TTC7B: variants seen among roughly 807,000 people sequenced by gnomAD.
The protein encoded by TTC7B is tetratricopeptide repeat protein 7B.
A neutral mutation model predicts 106.8 loss-of-function variants in TTC7B; 28 were observed. The ratio of observed to expected loss-of-function variants is 0.26; its 90% CI spans 0.19 to 0.36. The LOEUF is 0.36. Among genes scored for constraint, TTC7B ranks in the 10% least tolerant of loss-of-function variants. The probability of loss-of-function intolerance (pLI) is 1.00; values close to 1 mark genes in which losing one functional copy is unlikely to be tolerated. For synonymous variants in TTC7B, 405 were observed against 430.6 expected (o/e 0.94, Z 0.74); for missense variants, 862 against 1,076.4 (o/e 0.80, Z 2.79).
chr14:90,812,507 G>T (rs867514848), intron 1 of TTC7B, among the ~76,000 whole-genome samples: 17 of 152,006 alleles, frequency 1.1e-4, no homozygotes, highest in South Asian at 6.2e-4. Context: ...TTCTAACCCT[G>T]CACGTCTGAA....
chr14:90,690,581 C>A (rs1402130317), intron 6 of TTC7B, among the ~76,000 whole-genome samples: 1 of 152,020 alleles, frequency 6.6e-6, no homozygotes, highest in East Asian at 1.9e-4. Context: ...CTTCCAGTAA[C>A]AAAGAAGAGG....
At chr14:90,730,327 G>A in intron 4 of TTC7B, 131 bp from the exon 5 acceptor site, 2 of 1,051,504 alleles carry the variant, frequency 1.9e-6, no homozygotes, top group Non-Finnish European at 1.3e-6. Context: ...CAGAGGCACA[G>A]GTGTAGAAGT....
Position 90,604,251 on chromosome 14 carries a change from A to G in TTC7B, c.1966+6491T>C, listed in dbSNP as rs1892547758. 3.9e-5 allele frequency among the ~76,000 whole-genome samples: 6 copies of G among 152,254 alleles called. 1 individual carries two copies. The highest frequency in any genetic ancestry group is 3.9e-4 in the Admixed American group (6 of 15,288). On this transcript the variant is annotated intron_variant, in intron 17 of 19. Transcript: ENST00000328459. ...ATAAACTCATCAAAAGTCAATGTAA[A>G]GAATTTTTCTAGAAAAATCGAAGTT... is the stretch of plus-strand genomic sequence containing the variant.
At chr14:90,552,581 T>G (rs1890133119) in intron 19 of TTC7B, among the ~76,000 whole-genome samples, 1 of 151,922 alleles carries the variant, frequency 6.6e-6, no homozygotes, top group African/African-American at 2.4e-5. Context: ...CCACTTCACC[T>G]CCAGATCCAC....
At chr14:90,800,716 C>G (rs2030207313) in intron 1 of TTC7B, among the ~76,000 whole-genome samples, 1 of 152,094 alleles carries the variant, frequency 6.6e-6, no homozygotes, top group African/African-American at 2.4e-5. Context: ...GAGGCTGAGG[C>G]AGGAGAATGG....
intron 15 of TTC7B, among the ~76,000 whole-genome samples, chr14:90,626,772 A>T (rs2139859711): frequency 6.6e-6 from 1 of 152,270 alleles, no homozygotes; most frequent in African/African-American, 2.4e-5. Flanking sequence ...TTTCTGTTAC[A>T]AAACCCCAAC....
chr14:90,584,489 G>A (rs1487091273), intron 18 of TTC7B, among the ~76,000 whole-genome samples: 1 of 152,220 alleles, frequency 6.6e-6, no homozygotes, highest in African/African-American at 2.4e-5. Flanking sequence ...GCACCAGCCT[G>A]GAGGAATGCA....
chr14:90,633,340 A>G (rs939764192), intron 15 of TTC7B, among the ~76,000 whole-genome samples: 1 of 152,252 alleles, frequency 6.6e-6, no homozygotes, highest in Non-Finnish European at 1.5e-5. Context: ...ATTCAAATCA[A>G]TTAAAAATCT....
chr14:90,804,682 T>G (rs1183088388), intron 1 of TTC7B, among the ~76,000 whole-genome samples: 1 of 152,212 alleles, frequency 6.6e-6, no homozygotes, highest in Non-Finnish European at 1.5e-5. Flanking sequence ...GTCACCTCCC[T>G]TGGCCTGGTA....
At chr14:90,689,754 T>G (rs1310224948) in intron 6 of TTC7B, 42 bp from the exon 7 acceptor site, 1 of 1,597,368 alleles carries the variant, frequency 6.3e-7, no homozygotes. Context: ...TGAATCTATC[T>G]TGTATTAGTC....
At chr14:90,740,358 C>T (rs79915628) in intron 4 of TTC7B, among the ~76,000 whole-genome samples, 3,294 of 152,172 alleles carry the variant, frequency 0.022, 65 homozygotes, top group Non-Finnish European at 0.027. Flanking sequence ...CAAGGTCAAA[C>T]GACCAGGAGT....
intron 3 of TTC7B, among the ~76,000 whole-genome samples, chr14:90,756,070 C>T (rs149015297): frequency 6.6e-6 from 1 of 152,354 alleles, no homozygotes; most frequent in African/African-American, 2.4e-5. Flanking sequence ...CTTACTAACA[C>T]ATGATGCCTT....
Position 90,614,170 on chromosome 14 carries a change from G to T in TTC7B, c.1869-3331C>A, listed in dbSNP as rs184439620. On this transcript the variant is annotated intron_variant, in intron 16 of 19. Coordinates refer to ENST00000328459, the MANE Select transcript of TTC7B (RefSeq NM_001010854.2). ...TTCTGTTTTTCTCCAGGTCTCTTAG[G>T]CCTGGATGATAAGAGTCAAGGTAAG... Among the ~76,000 whole-genome samples, 4 of 152,310 alleles carry T rather than the reference G, an allele frequency of 2.6e-5. No individual in the cohort carries two copies. The East Asian group carries it at 7.7e-4, about 29-fold the overall frequency.
chr14:90,763,924 T>G (rs912075772), intron 3 of TTC7B, among the ~76,000 whole-genome samples: 3 of 152,146 alleles, frequency 2.0e-5, no homozygotes, highest in Non-Finnish European at 2.9e-5. Flanking sequence ...AATCTACAGA[T>G]TCAACACAAT....
intron 5 of TTC7B, among the ~76,000 whole-genome samples, chr14:90,722,077 C>T (rs979800876): frequency 3.3e-5 from 5 of 152,220 alleles, no homozygotes; most frequent in African/African-American, 1.2e-4. Flanking sequence ...GAACAGCGAT[C>T]TAGGTGAGTC....
At chr14:90,560,881 C>T (rs141818783) in intron 19 of TTC7B, among the ~76,000 whole-genome samples, 211 of 152,316 alleles carry the variant, frequency 1.4e-3, no homozygotes, top group African/African-American at 4.8e-3. Context: ...AGATTTGTCA[C>T]CTTTGTGTAA....
rs138424056 is a variant in TTC7B, at chr14:90,537,964, G to A, written c.*3404C>T. 1 of 152,344 alleles carries A rather than the reference G, an allele frequency of 6.6e-6. No homozygotes were observed. Among genetic ancestry groups the A allele is most frequent in the Admixed American group, 6.5e-5 (1 of 15,298 alleles). 9.4% of individuals were successfully genotyped at this position (152,344 alleles called of 1,614,324 possible). A position where few individuals can be genotyped will look rare whatever the true frequency, so the allele number is the denominator to read the frequency against. On this transcript the variant is annotated 3_prime_UTR_variant, in exon 20 of 20. Transcript: ENST00000328459. ...TTGTTGGATGAATGAATGAGTGAATGAATGAATGAAATTTCACAGATGGGG... is the reference window on the plus strand; with the variant it reads ...TTGTTGGATGAATGAATGAGTGAATAAATGAATGAAATTTCACAGATGGGG...
At position 90,544,446 on chromosome 14, in the gene TTC7B, G is replaced by A. The variant is rs991419070; in HGVS notation, c.2311-2857C>T. ...GTGCCTGCCTGAAGGGCTTCTGGGT[G>A]TGGAGTCCAGCTGCGGGTGGCAAAT... On this transcript the variant is annotated intron_variant, in intron 19 of 19. Transcript: ENST00000328459. Among the ~76,000 whole-genome samples the A allele has an allele frequency of 3.3e-5, 5 of 152,214 alleles. No homozygotes were observed. In the East Asian group the frequency reaches 7.7e-4, roughly 23 times the overall value.
At chr14:90,605,871 G>C (rs1370721857) in intron 17 of TTC7B, 8 of 730,126 alleles carry the variant, frequency 1.1e-5, no homozygotes, top group Non-Finnish European at 1.5e-5. Context: ...AGAAAATGAG[G>C]TCATGTAATA....
Sources: gnomAD v4.1 joint callset for allele counts (sites outside exome capture counted in the v4.1 genomes callset) on GRCh38, gnomAD v4.1.1 for gene constraint, MANE v1.5 for transcripts, NCBI Gene and HGNC (gene_info 2026-07-23, HGNC 2026-07-21) for gene names.